PTPRE: variants seen among roughly 807,000 people sequenced by gnomAD.
The protein encoded by PTPRE is receptor-type tyrosine-protein phosphatase epsilon.
Under a neutral mutation model 102.0 loss-of-function variants are expected in PTPRE, and 51 were observed. That is an observed-to-expected ratio of 0.50 (90% CI 0.40 to 0.63). PTPRE has a LOEUF of 0.63. PTPRE is among the 30% of genes least tolerant of loss of function. The probability of loss-of-function intolerance (pLI) is 0.00; values close to 1 mark genes in which losing one functional copy is unlikely to be tolerated. For synonymous variants in PTPRE, 345 were observed against 348.2 expected, an observed-to-expected ratio of 0.99 and a Z score of 0.10; for missense variants, 752 against 915.1, an observed-to-expected ratio of 0.82 and a Z score of 2.30.
chr10:127,907,205 C>G lies in PTPRE; in HGVS notation c.-135C>G. On this transcript the variant is annotated 5_prime_UTR_variant, in exon 1 of 21. Coordinates refer to ENST00000254667, the MANE Select transcript of PTPRE (RefSeq NM_006504.6). The surrounding 1 kb of genome is among the most constrained non-coding windows in gnomAD (Gnocchi z 4.8). ...CGCGTCCCCGCGACCCTTCTTCGCG[C>G]CCGGCGAAGACAGCCGGGCGCCCCG... 4.1e-6 allele frequency: 4 copies of G among 966,040 alleles called. No homozygotes were observed. Among genetic ancestry groups the G allele is most frequent in the Non-Finnish European group, 4.9e-6 (4 of 812,912 alleles). The allele number at this position is 966,040 out of a possible 1,614,324, so 59.8% of individuals were successfully genotyped here. A position where few individuals can be genotyped will look rare whatever the true frequency, so the allele number is the denominator to read the frequency against.
At chr10:128,054,886 C>T (rs186011099) in intron 6 of PTPRE, among the ~76,000 whole-genome samples, 1 of 152,232 alleles carries the variant, frequency 6.6e-6, no homozygotes, top group East Asian at 2.0e-4. Context: ...GCAGCGGGAC[C>T]CCTCACATTC....
chr10:128,035,111 T>C (rs1409574649), intron 2 of PTPRE, among the ~76,000 whole-genome samples: 1 of 152,152 alleles, frequency 6.6e-6, no homozygotes, highest in Non-Finnish European at 1.5e-5. Flanking sequence ...GTCCAGCAAG[T>C]AGCTGGGACC....
intron 2 of PTPRE, among the ~76,000 whole-genome samples, chr10:128,018,667 C>T (rs1227382457): frequency 6.6e-6 from 1 of 152,174 alleles, no homozygotes; most frequent in African/African-American, 2.4e-5. Flanking sequence ...GGGACCCTCA[C>T]TCTCCTCTGC....
At chr10:127,999,727 G>T (rs1853673203) in intron 2 of PTPRE, 2 of 984,748 alleles carry the variant, frequency 2.0e-6, no homozygotes, top group South Asian at 9.4e-5. Flanking sequence ...GGTCTCTCCT[G>T]TAAATTTCTC....
intron 1 of PTPRE, among the ~76,000 whole-genome samples, chr10:127,923,056 C>T (rs1054746815): frequency 2.0e-5 from 3 of 152,230 alleles, no homozygotes; most frequent in African/African-American, 7.2e-5. Flanking sequence ...GAGCGTCTGG[C>T]GGCATTCCCA....
intron 2 of PTPRE, among the ~76,000 whole-genome samples, 190 bp downstream of exon 2, chr10:127,982,486 TTGCGTGTG>T (rs1446388617): frequency 2.3e-5 from 3 of 132,092 alleles, no homozygotes; most frequent in African/African-American, 6.0e-5. Flanking sequence ...GTTACATCAT[TTGCGTGTG>T]TGTGTGTGTG....
At chr10:128,046,074 C>A (rs193019722) in intron 3 of PTPRE, among the ~76,000 whole-genome samples, 3 of 152,212 alleles carry the variant, frequency 2.0e-5, no homozygotes, top group Non-Finnish European at 4.4e-5. Flanking sequence ...TGGTCACCCA[C>A]GTCCCTAAAA....
At chr10:128,007,093 TTCTC>T (rs910631700) in intron 2 of PTPRE, among the ~76,000 whole-genome samples, 12 of 152,126 alleles carry the variant, frequency 7.9e-5, no homozygotes, top group African/African-American at 1.7e-4. Context: ...ATTTTGAGGT[TTCTC>T]TCTCTCTCTT....
chr10:127,982,539 C>G (rs1475506808), intron 2 of PTPRE, among the ~76,000 whole-genome samples: 2 of 149,772 alleles, frequency 1.3e-5, no homozygotes, highest in Non-Finnish European at 3.0e-5. Flanking sequence ...TGAAATTTGG[C>G]TCAGCTGCTT....
Position 128,084,301 on chromosome 10 carries a change from T to C in PTPRE, c.*1395T>C, listed in dbSNP as rs1851943464. On this transcript the variant is annotated 3_prime_UTR_variant, in exon 21 of 21. Coordinates refer to ENST00000254667, the MANE Select transcript of PTPRE (RefSeq NM_006504.6). ...AAGCATTTAACACGTGCATTTTTGG[T>C]ACTTTTTTTTTTGTTTTCTAAAAGC... is the stretch of plus-strand genomic sequence containing the variant. The C allele has an allele frequency of 9.6e-6, 1 of 104,552 alleles. No individual in the cohort carries two copies. Among genetic ancestry groups the C allele is most frequent in the East Asian group, 2.6e-4 (1 of 3,920 alleles). 6.5% of individuals were successfully genotyped at this position (104,552 alleles called of 1,614,324 possible). A position where few individuals can be genotyped will look rare whatever the true frequency, so the allele number is the denominator to read the frequency against.
chr10:128,071,253 C>G, intron 15 of PTPRE: 1 of 328,536 alleles, frequency 3.0e-6, no homozygotes, highest in Non-Finnish European at 5.8e-6. Context: ...CCTTGTCTCC[C>G]CAAGCCTGGG....
intron 2 of PTPRE, among the ~76,000 whole-genome samples, chr10:127,983,635 T>C (rs993667860): frequency 6.6e-6 from 1 of 152,146 alleles, no homozygotes; most frequent in Non-Finnish European, 1.5e-5. Flanking sequence ...TAGAATGAAA[T>C]ATTTGAGTGT....
chr10:127,972,858 C>G (rs555030771), intron 1 of PTPRE, among the ~76,000 whole-genome samples: 2 of 152,286 alleles, frequency 1.3e-5, no homozygotes, highest in East Asian at 3.9e-4. Context: ...CACATCAGCC[C>G]CCTCTACCAC....
At chr10:127,916,263 G>A (rs1173845960) in intron 1 of PTPRE, among the ~76,000 whole-genome samples, 2 of 152,120 alleles carry the variant, frequency 1.3e-5, no homozygotes, top group African/African-American at 4.8e-5. Context: ...TCATGAGGGT[G>A]GTTTCCCCCA....
At chr10:127,908,544 C>T (rs571346660) in intron 1 of PTPRE, among the ~76,000 whole-genome samples, 17 of 152,260 alleles carry the variant, frequency 1.1e-4, no homozygotes, top group Admixed American at 5.2e-4. Context: ...CTGACCACCA[C>T]GGTCACTCAG....
chr10:128,063,091 C>G lies in PTPRE; in HGVS notation c.634C>G (p.Gln212Glu). 6.2e-7 allele frequency: 1 copy of G among 1,614,212 alleles called. No homozygotes were observed. The highest frequency in any genetic ancestry group is 8.5e-7 in the Non-Finnish European group (1 of 1,180,032). The change falls in exon 10 of 21, where the codon CAG becomes GAG. Residue 212 changes from glutamine (Q) to glutamate (E), a missense_variant. Around this residue, in one of 2 missense-constraint regions of PTPRE, gnomAD observed 636 missense variants for 824.4 expected, o/e 0.77. Transcript: ENST00000254667. ...TTGTCCTCTACACACAGGTCCCAAA[C>G]AGGAAACGGTTAACGACTTCTGGAG... ...NKFIAAQGPK[Q>E]ETVNDFWRMV...
intron 1 of PTPRE, among the ~76,000 whole-genome samples, chr10:127,939,572 G>A (rs1848071521): frequency 6.6e-6 from 1 of 152,158 alleles, no homozygotes; most frequent in African/African-American, 2.4e-5. Context: ...AAAAAAACAT[G>A]TTCCAGTCTA....
intron 1 of PTPRE, among the ~76,000 whole-genome samples, chr10:127,909,791 G>T (rs565260832): frequency 2.0e-5 from 3 of 152,214 alleles, no homozygotes; most frequent in Admixed American, 6.5e-5. Context: ...TTCCCGAAGC[G>T]CATGTGCTGA....
At chr10:128,077,539 A>T (rs773839898) in intron 18 of PTPRE, 78 bp from the exon 19 acceptor site, 1 of 1,515,218 alleles carries the variant, frequency 6.6e-7, no homozygotes, top group Non-Finnish European at 8.9e-7. Flanking sequence ...GCCTTGGCCA[A>T]TCCCTGAGAG....
Sources: allele counts gnomAD v4.1 joint callset (sites outside exome capture counted in the v4.1 genomes callset), GRCh38; gene constraint gnomAD v4.1.1; regional missense constraint gnomAD v4.1.1; non-coding constraint Gnocchi (gnomAD v3.1); transcripts MANE v1.5; gene names NCBI Gene and HGNC (gene_info 2026-07-23, HGNC 2026-07-21).